The following TYR variants were observed in gnomAD, a reference collection of about 807,000 sequenced individuals.
The protein encoded by TYR is tyrosinase.
TYR carries 58 observed loss-of-function variants against 51.5 expected under a neutral mutation model. The ratio of observed to expected loss-of-function variants is 1.13; its 90% CI spans 0.91 to 1.40. The LOEUF (loss-of-function observed/expected upper bound fraction) is 1.40. TYR is among the 40% of genes most tolerant of loss of function. The pLI is 0.00. For synonymous variants in TYR, 263 were observed against 235.2 expected (o/e 1.12, Z -1.08); for missense variants, 732 against 647.4 (o/e 1.13, Z -1.42).
chr11:89,272,212 T>C (rs1944596433), intron 3 of TYR, among the ~76,000 whole-genome samples: 1 of 151,938 alleles, frequency 6.6e-6, no homozygotes, highest in Admixed American at 6.6e-5. Flanking sequence ...GTATGTCGGC[T>C]ATACCCTTAT....
chr11:89,289,729 A>G (rs1944835017), intron 4 of TYR, among the ~76,000 whole-genome samples: 1 of 152,050 alleles, frequency 6.6e-6, no homozygotes, highest in Non-Finnish European at 1.5e-5. Flanking sequence ...GAAAAATAAG[A>G]CATATATAAA....
At chr11:89,271,320 C>T (rs1944586244) in intron 3 of TYR, among the ~76,000 whole-genome samples, 1 of 151,764 alleles carries the variant, frequency 6.6e-6, no homozygotes, top group East Asian at 1.9e-4. Flanking sequence ...CTTCGGACCA[C>T]CACAATAAAA....
At chr11:89,263,525 C>T (rs1944487547) in intron 3 of TYR, among the ~76,000 whole-genome samples, 1 of 151,902 alleles carries the variant, frequency 6.6e-6, no homozygotes, top group African/African-American at 2.4e-5. Flanking sequence ...GGCCATTAGG[C>T]ATGAAAAAGA....
intron 3 of TYR, among the ~76,000 whole-genome samples, chr11:89,229,482 C>T (rs1340541288): frequency 6.6e-6 from 1 of 151,632 alleles, no homozygotes; most frequent in Non-Finnish European, 1.5e-5. Flanking sequence ...CCAGTGAACT[C>T]TAAAGATTTA....
intron 3 of TYR, among the ~76,000 whole-genome samples, chr11:89,255,232 C>A (rs756153607): frequency 7.9e-5 from 12 of 151,582 alleles, no homozygotes; most frequent in Admixed American, 5.3e-4. Context: ...TGTGGCCCAT[C>A]ATATGATCTA....
chr11:89,223,370 C>T (rs893830187), intron 2 of TYR, among the ~76,000 whole-genome samples: 1 of 151,882 alleles, frequency 6.6e-6, no homozygotes, highest in African/African-American at 2.4e-5. Flanking sequence ...GAGAAGCTAC[C>T]GATGTTGGAG....
At position 89,177,980 on chromosome 11, in the gene TYR, G is replaced by A. The variant is rs1325874647; in HGVS notation, c.27G>A (p.Leu9=). The A allele has an allele frequency of 6.2e-7, 1 of 1,614,060 alleles. No individual in the cohort carries two copies. Among genetic ancestry groups the A allele is most frequent in the Admixed American group, 1.7e-5 (1 of 60,002 alleles). Residue 9 remains leucine, a synonymous_variant, in exon 1 of 5, where the codon CTG becomes CTA. Coordinates refer to ENST00000263321, the MANE Select transcript of TYR (RefSeq NM_000372.5). ...TGCTCCTGGCTGTTTTGTACTGCCT[G>A]CTGTGGAGTTTCCAGACCTCCGCTG... MLLAVLYC[L]LWSFQTSAGH...
chr11:89,211,190 C>G (rs772689184), intron 2 of TYR, among the ~76,000 whole-genome samples: 1 of 152,054 alleles, frequency 6.6e-6, no homozygotes, highest in Non-Finnish European at 1.5e-5. Flanking sequence ...CAAGACCCAT[C>G]GATGTGCTAT....
chr11:89,238,537 G>A (rs1389889728), intron 3 of TYR, among the ~76,000 whole-genome samples: 5 of 151,964 alleles, frequency 3.3e-5, no homozygotes, highest in Admixed American at 6.6e-5. Flanking sequence ...CTGCAAACCG[G>A]GACCATTTAA....
chr11:89,230,305 T>A (rs1944030509), intron 3 of TYR, among the ~76,000 whole-genome samples: 1 of 152,102 alleles, frequency 6.6e-6, no homozygotes, highest in South Asian at 2.1e-4. Context: ...AATTAGTCGT[T>A]TGGGGACAAT....
At chr11:89,281,691 A>T (rs1469353300) in intron 3 of TYR, among the ~76,000 whole-genome samples, 2 of 151,682 alleles carry the variant, frequency 1.3e-5, no homozygotes, top group African/African-American at 2.4e-5. Context: ...AAATTTGTTG[A>T]TTATTAATTT....
At chr11:89,259,649 C>G (rs1231645068) in intron 3 of TYR, among the ~76,000 whole-genome samples, 1 of 152,050 alleles carries the variant, frequency 6.6e-6, no homozygotes, top group Non-Finnish European at 1.5e-5. Context: ...CATGTTTAGA[C>G]CCCTGGATCC....
intron 3 of TYR, among the ~76,000 whole-genome samples, chr11:89,265,654 G>A (rs1944517251): frequency 6.6e-6 from 1 of 151,940 alleles, no homozygotes; most frequent in African/African-American, 2.4e-5. Context: ...TTCTCAGAGG[G>A]GGTTTCACTA....
At chr11:89,194,276 T>C (rs1457912407) in intron 2 of TYR, among the ~76,000 whole-genome samples, 1 of 152,152 alleles carries the variant, frequency 6.6e-6, no homozygotes, top group Non-Finnish European at 1.5e-5. Context: ...TTTGAGTGTA[T>C]CTAATATTTC....
At chr11:89,189,724 G>A (rs1321283817) in intron 1 of TYR, among the ~76,000 whole-genome samples, 1 of 152,082 alleles carries the variant, frequency 6.6e-6, no homozygotes, top group African/African-American at 2.4e-5. Flanking sequence ...ATGTGAGGTA[G>A]TTGTTATTAT....
intron 3 of TYR, among the ~76,000 whole-genome samples, chr11:89,272,425 C>T (rs1944599834): frequency 6.6e-6 from 1 of 150,722 alleles, no homozygotes; most frequent in Non-Finnish European, 1.5e-5. Flanking sequence ...TGGGTCTCAA[C>T]AGTGGACTTG....
Position 89,252,229 on chromosome 11 carries a change from A to T in TYR, c.1184+24259A>T, listed in dbSNP as rs1202840033. ...GAGACGATCAGTACCAAGCCAGAAAAATATAATAGGAAAATTTATTTTACA... is the reference window on the plus strand; with the variant it reads ...GAGACGATCAGTACCAAGCCAGAAATATATAATAGGAAAATTTATTTTACA... On this transcript the variant is annotated intron_variant, in intron 3 of 4. Transcript: ENST00000263321. 4.6e-5 allele frequency among the ~76,000 whole-genome samples: 7 copies of T among 151,830 alleles called. No individual in the cohort carries two copies. The Admixed American group carries it at 4.6e-4, about 10-fold the overall frequency.
intron 2 of TYR, among the ~76,000 whole-genome samples, chr11:89,192,269 C>T (rs1166822315): frequency 6.6e-6 from 1 of 152,024 alleles, no homozygotes; most frequent in Non-Finnish European, 1.5e-5. Context: ...CATAAATTTG[C>T]ATTAGGAAAA....
intron 1 of TYR, among the ~76,000 whole-genome samples, chr11:89,182,376 A>G (rs1429955670): frequency 6.6e-6 from 1 of 152,112 alleles, no homozygotes; most frequent in African/African-American, 2.4e-5. Flanking sequence ...TGGATTCCCA[A>G]TGCCAAGGAT....
Sources: allele counts gnomAD v4.1 joint callset (sites outside exome capture counted in the v4.1 genomes callset), GRCh38; gene constraint gnomAD v4.1.1; transcripts MANE v1.5; gene names NCBI Gene and HGNC (gene_info 2026-07-23, HGNC 2026-07-21).